The following TRMT9B variants were observed in gnomAD, a reference collection of about 807,000 sequenced individuals.
The protein encoded by TRMT9B is probable tRNA methyltransferase 9B.
Under a neutral mutation model 11.5 loss-of-function variants are expected in TRMT9B, and 16 were observed. The observed-to-expected ratio is 1.39, with a 90% confidence interval of 0.94 to 2.11. TRMT9B has a LOEUF of 2.11. Ranked by LOEUF, TRMT9B falls within the 30% of genes most tolerant of loss-of-function variation. The pLI is 0.00. For missense variants in TRMT9B, 941 were observed against 553.8 expected (o/e 1.70, Z -7.02); for synonymous variants, 274 against 192.4 (o/e 1.42, Z -3.51).
chr8:12,961,546 A>G (rs190459117), intron 1 of TRMT9B, among the ~76,000 whole-genome samples: 4,493 of 150,562 alleles, frequency 0.03, 87 homozygotes, highest in Middle Eastern at 0.061. Context: ...CTAAAAACAC[A>G]AAAAATTAGC....
chr8:12,954,942 C>T (rs942508055), intron 1 of TRMT9B, among the ~76,000 whole-genome samples: 1 of 152,132 alleles, frequency 6.6e-6, no homozygotes, highest in African/African-American at 2.4e-5. Flanking sequence ...GATAATGACA[C>T]CTCCCCAGGT....
At chr8:12,968,177 C>G (rs996992690) in intron 1 of TRMT9B, among the ~76,000 whole-genome samples, 3 of 152,192 alleles carry the variant, frequency 2.0e-5, no homozygotes, top group Non-Finnish European at 2.9e-5. Context: ...GAGCCACCAC[C>G]TGGCCAAAAG....
chr8:12,999,436 A>C (rs1808988041), intron 2 of TRMT9B, among the ~76,000 whole-genome samples: 1 of 152,190 alleles, frequency 6.6e-6, no homozygotes, highest in Admixed American at 6.5e-5. Flanking sequence ...ACATACACGC[A>C]TACGCACACA....
chr8:13,012,194 A>G (rs2128894537), intron 3 of TRMT9B: 1 of 985,304 alleles, frequency 1.0e-6, no homozygotes, highest in East Asian at 1.1e-4. Context: ...CTTCTATATG[A>G]GAATCTGTAA....
chr8:12,952,139 A>G (rs1233094909), intron 1 of TRMT9B: 1 of 450,948 alleles, frequency 2.2e-6, no homozygotes, highest in East Asian at 7.2e-5. Flanking sequence ...GCTGCGGGAC[A>G]GCGCTGTGAC....
chr8:13,026,935 T>A lies in TRMT9B; in HGVS notation c.*4891T>A, dbSNP rs1814756611. 1 of 167,124 alleles carries A rather than the reference T, an allele frequency of 6.0e-6. No homozygotes were observed. The highest frequency in any genetic ancestry group is 2.1e-4 in the South Asian group (1 of 4,826). 10.4% of individuals were successfully genotyped at this position (167,124 alleles called of 1,614,324 possible). A position where few individuals can be genotyped will look rare whatever the true frequency, so the allele number is the denominator to read the frequency against. On this transcript the variant is annotated 3_prime_UTR_variant, in exon 5 of 5. Coordinates refer to ENST00000524591, the MANE Select transcript of TRMT9B (RefSeq NM_020844.3). ...AGACAATAATTCAATAGTAGTCTCTTACATATTTTCCCTTTTATCTTTTTT... is the reference window on the plus strand; with the variant it reads ...AGACAATAATTCAATAGTAGTCTCTAACATATTTTCCCTTTTATCTTTTTT...
At chr8:12,956,204 T>C (rs1428737139) in intron 1 of TRMT9B, among the ~76,000 whole-genome samples, 1 of 152,194 alleles carries the variant, frequency 6.6e-6, no homozygotes. Flanking sequence ...TTGAAGGAGA[T>C]AGGAGTGAAT....
At chr8:12,992,016 C>G (rs1048223298) in intron 2 of TRMT9B, among the ~76,000 whole-genome samples, 19 of 152,260 alleles carry the variant, frequency 1.2e-4, no homozygotes, top group African/African-American at 4.6e-4. Flanking sequence ...TGCTTTCCTC[C>G]AAGTGCCCAT....
chr8:12,996,508 C>T (rs952637229), intron 2 of TRMT9B, among the ~76,000 whole-genome samples: 1 of 152,194 alleles, frequency 6.6e-6, no homozygotes, highest in Non-Finnish European at 1.5e-5. Flanking sequence ...AATGGGGATA[C>T]TGCTTTGACA....
intron 2 of TRMT9B, among the ~76,000 whole-genome samples, chr8:13,004,647 C>G (rs113851547): frequency 0.019 from 2,935 of 152,044 alleles, 85 homozygotes; most frequent in African/African-American, 0.065. Flanking sequence ...CCCTTTGGCC[C>G]TGAATAACCA....
At chr8:12,985,053 T>A (rs17179360) in intron 1 of TRMT9B, among the ~76,000 whole-genome samples, 49,216 of 151,762 alleles carry the variant, frequency 0.32, 8,603 homozygotes, top group Middle Eastern at 0.51. Context: ...TTTTGGGGGC[T>A]AATATCCTAC....
chr8:12,968,224 G>C (rs1412083184), intron 1 of TRMT9B, among the ~76,000 whole-genome samples: 1 of 152,208 alleles, frequency 6.6e-6, no homozygotes, highest in Non-Finnish European at 1.5e-5. Flanking sequence ...AGTCACGGAA[G>C]ACATACATCC....
chr8:13,005,085 CAAAA>C (rs1223540759), intron 2 of TRMT9B, among the ~76,000 whole-genome samples: 3 of 87,690 alleles, frequency 3.4e-5, no homozygotes. Flanking sequence ...GACTGCATCT[CAAAA>C]AAAAAAAAAA....
chr8:13,017,447 A>C (rs1812934311), intron 4 of TRMT9B, among the ~76,000 whole-genome samples: 1 of 152,164 alleles, frequency 6.6e-6, no homozygotes, highest in South Asian at 2.1e-4. Flanking sequence ...ATGATTTTTT[A>C]AACAAAAGGG....
Position 13,010,226 on chromosome 8 carries a change from A to T in TRMT9B, c.155-2458A>T, listed in dbSNP as rs147197195. On this transcript the variant is annotated intron_variant, in intron 3 of 4. Coordinates refer to ENST00000524591, the MANE Select transcript of TRMT9B (RefSeq NM_020844.3). ...CATCTATAGTAAATATCTTTTTGCC[A>T]ATTTGTATCTTTTGAATTTTGTACT... 2.1e-3 allele frequency: 1,849 copies of T among 869,250 alleles called. 34 individuals are homozygous for T. The African/African-American group carries it at 0.032, about 15-fold the overall frequency. The allele number at this position is 869,250 out of a possible 1,614,324, so 53.8% of individuals were successfully genotyped here. A position where few individuals can be genotyped will look rare whatever the true frequency, so the allele number is the denominator to read the frequency against.
intron 1 of TRMT9B, among the ~76,000 whole-genome samples, chr8:12,981,297 T>G (rs904003153): frequency 1.3e-5 from 2 of 152,216 alleles, no homozygotes; most frequent in Non-Finnish European, 2.9e-5. Context: ...CACAGAGAAG[T>G]CATTGGCTGG....
At chr8:13,008,474 G>T (rs1468903199) in intron 3 of TRMT9B, among the ~76,000 whole-genome samples, 1 of 152,170 alleles carries the variant, frequency 6.6e-6, no homozygotes, top group East Asian at 1.9e-4. Context: ...TGCACTGTGA[G>T]TATTTAAGTC....
intron 1 of TRMT9B, among the ~76,000 whole-genome samples, chr8:12,954,512 C>G (rs535211780): frequency 6.6e-6 from 1 of 152,204 alleles, no homozygotes; most frequent in Admixed American, 6.5e-5. Flanking sequence ...TGAGTGAAAG[C>G]TCTCATTGCG....
Position 13,021,204 on chromosome 8 carries a change from TG to T in TRMT9B, c.528del (p.Arg177GlyfsTer67), listed in dbSNP as rs764750900. ...AGCTCTTCTCAGAGTCCAGCCAGTC[TG>T]GGAGGAAGAGGCAGTGTGGATACCC... ...SQLFSESSQS[G>X]RKRQCGYPER... On this transcript the variant is annotated frameshift_variant, in exon 5 of 5. Coordinates refer to ENST00000524591, the MANE Select transcript of TRMT9B (RefSeq NM_020844.3). LOFTEE classifies it low-confidence loss of function (END_TRUNC). 2 of 1,613,870 alleles carry T rather than the reference TG, an allele frequency of 1.2e-6. No individual in the cohort carries two copies. Among genetic ancestry groups the T allele is most frequent in the Non-Finnish European group, 1.7e-6 (2 of 1,179,816 alleles).
Sources: allele counts gnomAD v4.1 joint callset (sites outside exome capture counted in the v4.1 genomes callset), GRCh38; gene constraint gnomAD v4.1.1; transcripts MANE v1.5; gene names NCBI Gene and HGNC (gene_info 2026-07-23, HGNC 2026-07-21).